Variants in CTNND1 observed in about 807,000 individuals in gnomAD.
CTNND1 encodes catenin delta-1.
In CTNND1, 16 loss-of-function variants were observed where a neutral mutation model predicts 112.1. The ratio of observed to expected loss-of-function variants is 0.14; its 90% confidence interval spans 0.10 to 0.22. CTNND1 has a LOEUF of 0.22. CTNND1 is among the 10% of genes least tolerant of loss of function. The pLI is 1.00. For synonymous variants in CTNND1, 420 were observed against 446.5 expected, an observed-to-expected ratio of 0.94 and a Z score of 0.75; for missense variants, 1,008 against 1,257.0, an observed-to-expected ratio of 0.80 and a Z score of 3.00.
chr11:57,793,778 G>A (rs1385561303), intron 3 of CTNND1, among the ~76,000 whole-genome samples: 1 of 152,150 alleles, frequency 6.6e-6, no homozygotes, highest in African/African-American at 2.4e-5. Flanking sequence ...TGGAGTTTAC[G>A]TTCTTATGTT....
chr11:57,794,776 ACT>A (rs1258867148), intron 4 of CTNND1, among the ~76,000 whole-genome samples: 1 of 139,118 alleles, frequency 7.2e-6, no homozygotes, highest in Non-Finnish European at 1.5e-5. Flanking sequence ...CAAGAGCAAA[ACT>A]CTGTCTCAAA....
At chr11:57,776,892 T>C (rs1043363440) in intron 1 of CTNND1, among the ~76,000 whole-genome samples, 7 of 152,192 alleles carry the variant, frequency 4.6e-5, no homozygotes, top group African/African-American at 1.7e-4. Context: ...GTGTGTCTTT[T>C]ACAACTTTTT....
intron 1 of CTNND1, chr11:57,763,789 G>A (rs776158675): frequency 6.6e-6 from 1 of 152,232 alleles, no homozygotes; most frequent in South Asian, 2.1e-4. Flanking sequence ...ACCTTTAGGG[G>A]GAGGGATGAG....
chr11:57,804,480 A>G (rs1341254117), intron 8 of CTNND1, among the ~76,000 whole-genome samples, 183 bp from the exon 9 acceptor site: 1 of 152,222 alleles, frequency 6.6e-6, no homozygotes, highest in Non-Finnish European at 1.5e-5. Context: ...CCACAGTGAT[A>G]TAAACATTCA....
At chr11:57,762,829 A>G (rs1248859313) in intron 1 of CTNND1, among the ~76,000 whole-genome samples, 1 of 152,222 alleles carries the variant, frequency 6.6e-6, no homozygotes, top group Non-Finnish European at 1.5e-5. Context: ...TAAATCTGCA[A>G]ATACGATAAC....
intron 5 of CTNND1, among the ~76,000 whole-genome samples, chr11:57,796,213 C>T (rs193058074): frequency 1.3e-4 from 20 of 151,744 alleles, no homozygotes; most frequent in African/African-American, 4.8e-4. Context: ...AGTGAAACCC[C>T]GTCTCTACTA....
Position 57,762,120 on chromosome 11 carries a change from G to T in CTNND1, c.-214+1G>T. On this transcript the variant is annotated splice_donor_variant, in intron 1 of 20. Coordinates refer to ENST00000399050, the MANE Select transcript of CTNND1 (RefSeq NM_001085458.2). LOFTEE classifies it low-confidence loss of function (5UTR_SPLICE). The stretch of plus-strand genomic sequence containing the variant: ...AAGCAAGTCGAATTTTTGTCTTACG[G>T]TAACCGGAGGGAATTAAAAAACGGG... The T allele has an allele frequency of 1.0e-6, 1 of 984,662 alleles. No homozygotes were observed. Among genetic ancestry groups the T allele is most frequent in the Non-Finnish European group, 1.2e-6 (1 of 829,224 alleles). The allele number at this position is 984,662 out of a possible 1,614,324, so 61.0% of individuals were successfully genotyped here. A position where few individuals can be genotyped will look rare whatever the true frequency, so the allele number is the denominator to read the frequency against.
intron 1 of CTNND1, among the ~76,000 whole-genome samples, chr11:57,768,386 CTTTTTTTTTTTTT>C (rs10617530): frequency 2.5e-5 from 1 of 40,282 alleles, no homozygotes; most frequent in Non-Finnish European, 4.9e-5. Context: ...GGACATCATC[CTTTTTTTTTTTTT>C]TTTTTTTTTT....
chr11:57,789,597 C>T (rs1159551910), intron 2 of CTNND1, among the ~76,000 whole-genome samples: 2 of 152,072 alleles, frequency 1.3e-5, no homozygotes, highest in Non-Finnish European at 2.9e-5. Context: ...TTTTGGCTTC[C>T]CTGGGCTACA....
intron 1 of CTNND1, among the ~76,000 whole-genome samples, chr11:57,764,647 T>C (rs1950656665): frequency 6.6e-6 from 1 of 152,116 alleles, no homozygotes; most frequent in Admixed American, 6.6e-5. Context: ...GTTTTTTTGT[T>C]TGTTTTGTTT....
Position 57,814,330 on chromosome 11 carries a change from A to G in CTNND1, c.2658A>G (p.Glu886=). ...ATACAGATAAGAAACCTGATCGGGA[A>G]GAAATTCAGATGAGCAATATGGGAT... The part of the protein sequence containing the change: ...NQKSDKKPDR[E]EIQMSNMGSN... The change falls in exon 18 of 21, where the codon GAA becomes GAG. Residue 886 remains glutamate, a synonymous_variant. Coordinates refer to ENST00000399050, the MANE Select transcript of CTNND1 (RefSeq NM_001085458.2). 6.2e-7 allele frequency: 1 copy of G among 1,612,158 alleles called. No homozygotes were observed. Among genetic ancestry groups the G allele is most frequent in the Non-Finnish European group, 8.5e-7 (1 of 1,179,074 alleles).
intron 1 of CTNND1, among the ~76,000 whole-genome samples, chr11:57,767,128 C>T (rs569357014): frequency 2.0e-5 from 3 of 152,216 alleles, no homozygotes; most frequent in African/African-American, 7.2e-5. Flanking sequence ...CGCGCCACCA[C>T]GCCCTGCTAA....
intron 6 of CTNND1, 75 bp downstream of exon 6, chr11:57,797,067 A>G: frequency 7.6e-7 from 1 of 1,313,606 alleles, no homozygotes; most frequent in Non-Finnish European, 9.9e-7. Flanking sequence ...TTCAACTTCT[A>G]GGGGCTTTTT....
At position 57,802,287 on chromosome 11, in the gene CTNND1, A is replaced by T. The variant is rs191692223; in HGVS notation, c.1420+91A>T. ...GGGATTTCCAGACCTTTTACTTTTG[A>T]TGAAAGGTTGTGAACTGGTGGCTGT... On this transcript the variant is annotated intron_variant, in intron 7 of 20. Transcript: ENST00000399050. 199 of 1,177,076 alleles carry T rather than the reference A, an allele frequency of 1.7e-4. 3 individuals are homozygous for T. In the African/African-American group the frequency reaches 2.6e-3, roughly 15 times the overall value. The allele number at this position is 1,177,076 out of a possible 1,614,324, so 72.9% of individuals were successfully genotyped here. A position where few individuals can be genotyped will look rare whatever the true frequency, so the allele number is the denominator to read the frequency against.
At chr11:57,798,511 A>G (rs10736687) in intron 6 of CTNND1, among the ~76,000 whole-genome samples, 142,982 of 152,202 alleles carry the variant, frequency 0.94, 67,819 homozygotes, top group East Asian at 1. Context: ...TTGACATTCT[A>G]TGCTTAGGGT....
chr11:57,802,803 G>A (rs1249890915), intron 7 of CTNND1, among the ~76,000 whole-genome samples: 1 of 152,192 alleles, frequency 6.6e-6, no homozygotes, highest in East Asian at 1.9e-4. Flanking sequence ...GCATTCCAAG[G>A]GAAAGGAATA....
At chr11:57,762,332 T>G (rs1444739682) in intron 1 of CTNND1, among the ~76,000 whole-genome samples, 2 of 152,190 alleles carry the variant, frequency 1.3e-5, no homozygotes, top group Non-Finnish European at 2.9e-5. Context: ...AGAGCAGGTT[T>G]GAAAATTTAC....
intron 2 of CTNND1, among the ~76,000 whole-genome samples, chr11:57,790,505 A>G (rs1389996608): frequency 7.8e-6 from 1 of 128,928 alleles, no homozygotes; most frequent in Non-Finnish European, 1.6e-5. Context: ...AGTTGCTGGG[A>G]TTATAGGAGT....
At chr11:57,809,914 T>G (rs1239737666) in intron 15 of CTNND1, among the ~76,000 whole-genome samples, 195 bp from the exon 16 acceptor site, 1 of 152,148 alleles carries the variant, frequency 6.6e-6, no homozygotes, top group South Asian at 2.1e-4. Flanking sequence ...TTTCACCGTG[T>G]TAGCCAAGAT....
Sources: gnomAD v4.1 joint callset for allele counts (sites outside exome capture counted in the v4.1 genomes callset) on GRCh38, gnomAD v4.1.1 for gene constraint, MANE v1.5 for transcripts, NCBI Gene and HGNC (gene_info 2026-07-23, HGNC 2026-07-21) for gene names.